NAALADL2: variants seen among roughly 807,000 people sequenced by gnomAD.
NAALADL2 encodes the protein N-acetylated alpha-linked acidic dipeptidase like 2.
NAALADL2 carries 76 observed loss-of-function variants against 87.2 expected under a neutral mutation model. The ratio of observed to expected loss-of-function variants is 0.87; its 90% CI spans 0.72 to 1.05. NAALADL2 has a LOEUF of 1.05. Among genes scored for constraint, NAALADL2 ranks in the 50% least tolerant of loss-of-function variants. The probability of loss-of-function intolerance (pLI) is 0.00; values close to 1 mark genes in which losing one functional copy is unlikely to be tolerated. For synonymous variants in NAALADL2, 354 were observed against 331.0 expected, an observed-to-expected ratio of 1.07 and a Z score of -0.75; for missense variants, 1,089 against 945.8, an observed-to-expected ratio of 1.15 and a Z score of -1.99.
At chr3:174,862,861 G>C (rs965127780) in intron 1 of NAALADL2, among the ~76,000 whole-genome samples, 1 of 152,002 alleles carries the variant, frequency 6.6e-6, no homozygotes, top group African/African-American at 2.4e-5. Context: ...TTCTACTTCA[G>C]TTCTTCTTAG....
intron 2 of NAALADL2, among the ~76,000 whole-genome samples, chr3:174,717,578 A>C (rs894893471): frequency 6.6e-6 from 1 of 152,156 alleles, no homozygotes; most frequent in Non-Finnish European, 1.5e-5. Context: ...AAGGTGCCTA[A>C]GATTTTTTTC....
intron 12 of NAALADL2, among the ~76,000 whole-genome samples, chr3:175,746,323 T>C (rs1205536612): frequency 5.9e-5 from 9 of 151,700 alleles, no homozygotes; most frequent in African/African-American, 1.9e-4. Flanking sequence ...TTGTTTTTTT[T>C]TTTTTTTAAT....
At chr3:174,874,256 C>A (rs1001976334) in intron 1 of NAALADL2, among the ~76,000 whole-genome samples, 4 of 152,180 alleles carry the variant, frequency 2.6e-5, no homozygotes, top group African/African-American at 9.7e-5. Flanking sequence ...TTTCAGTGAA[C>A]TGCTTTTGTG....
At chr3:175,728,454 G>A (rs1743228897) in intron 11 of NAALADL2, among the ~76,000 whole-genome samples, 1 of 152,092 alleles carries the variant, frequency 6.6e-6, no homozygotes, top group Non-Finnish European at 1.5e-5. Context: ...CTCCTCTATG[G>A]ATACTGCAGC....
At chr3:174,530,187 A>C (rs779747385) in intron 1 of NAALADL2, among the ~76,000 whole-genome samples, 1 of 152,156 alleles carries the variant, frequency 6.6e-6, no homozygotes, top group Non-Finnish European at 1.5e-5. Flanking sequence ...ACTCTAAATT[A>C]TCTCTCTCAA....
chr3:175,288,003 C>A (rs551437013), intron 4 of NAALADL2, among the ~76,000 whole-genome samples: 1 of 152,228 alleles, frequency 6.6e-6, no homozygotes, highest in East Asian at 1.9e-4. Flanking sequence ...TTTATATGAT[C>A]ATATAACATC....
intron 4 of NAALADL2, among the ~76,000 whole-genome samples, chr3:175,305,379 A>C (rs916463318): frequency 6.6e-6 from 1 of 152,120 alleles, no homozygotes; most frequent in Admixed American, 6.6e-5. Flanking sequence ...TTTGACTTTC[A>C]GAATTTGTCC....
intron 5 of NAALADL2, among the ~76,000 whole-genome samples, chr3:175,351,656 G>A (rs752676774): frequency 6.6e-6 from 1 of 152,070 alleles, no homozygotes; most frequent in Non-Finnish European, 1.5e-5. Flanking sequence ...GTGAATTTGC[G>A]TACGTGTGGC....
intron 1 of NAALADL2, among the ~76,000 whole-genome samples, chr3:174,965,387 G>A (rs748547724): frequency 2.0e-5 from 3 of 152,018 alleles, no homozygotes; most frequent in Middle Eastern, 3.4e-3. Context: ...TATTCTATTC[G>A]TTAACATTAT....
intron 1 of NAALADL2, among the ~76,000 whole-genome samples, chr3:175,008,725 A>C (rs1749382146): frequency 6.6e-6 from 1 of 152,104 alleles, no homozygotes; most frequent in African/African-American, 2.4e-5. Flanking sequence ...CTACAACGTT[A>C]TAGGGTAAGG....
At chr3:175,411,154 A>G (rs991501002) in intron 5 of NAALADL2, among the ~76,000 whole-genome samples, 7 of 152,258 alleles carry the variant, frequency 4.6e-5, no homozygotes, top group African/African-American at 1.4e-4. Context: ...GAATCAACAG[A>G]TAAGTATCAG....
chr3:174,582,892 A>AT (rs34100658), intron 2 of NAALADL2, among the ~76,000 whole-genome samples: 46,972 of 151,404 alleles, frequency 0.31, 9,132 homozygotes, highest in East Asian at 0.76. Flanking sequence ...CCCAGACTTC[A>AT]TTTTTTTTTG....
intron 1 of NAALADL2, among the ~76,000 whole-genome samples, chr3:175,001,482 T>C (rs1032993213): frequency 6.6e-6 from 1 of 152,210 alleles, no homozygotes; most frequent in Non-Finnish European, 1.5e-5. Flanking sequence ...TGGGCATATT[T>C]TTCTTGGTTT....
At chr3:174,925,527 C>T (rs9681282) in intron 1 of NAALADL2, among the ~76,000 whole-genome samples, 59,001 of 151,908 alleles carry the variant, frequency 0.39, 12,543 homozygotes, top group African/African-American at 0.57. Flanking sequence ...TTTGTTCTTT[C>T]GGCTTAGAAT....
intron 1 of NAALADL2, among the ~76,000 whole-genome samples, chr3:174,470,579 A>G (rs749890496): frequency 5.3e-5 from 8 of 152,132 alleles, no homozygotes; most frequent in Non-Finnish European, 8.8e-5. Flanking sequence ...GGTATTTCCT[A>G]GGTCTCCTTC....
At chr3:174,802,202 G>A (rs1337635675) in intron 3 of NAALADL2, among the ~76,000 whole-genome samples, 1 of 151,826 alleles carries the variant, frequency 6.6e-6, no homozygotes, top group Non-Finnish European at 1.5e-5. Context: ...CCCATGCCAA[G>A]TGTCAAGGTT....
chr3:174,451,692 A>G (rs1425101386), intron 1 of NAALADL2, among the ~76,000 whole-genome samples: 4 of 152,148 alleles, frequency 2.6e-5, no homozygotes, highest in Non-Finnish European at 5.9e-5. Flanking sequence ...TTCGGTTTAC[A>G]TATTTTTTGG....
chr3:175,691,873 G>A (rs1315876501), intron 11 of NAALADL2, among the ~76,000 whole-genome samples: 2 of 152,078 alleles, frequency 1.3e-5, no homozygotes, highest in Non-Finnish European at 2.9e-5. Context: ...CTCTGAAACA[G>A]TTTATCAATA....
At chr3:175,273,443 G>A (rs1472645316) in intron 4 of NAALADL2, among the ~76,000 whole-genome samples, 3 of 151,940 alleles carry the variant, frequency 2.0e-5, no homozygotes, top group African/African-American at 7.2e-5. Context: ...CCAATACCAA[G>A]GATTTTTCAA....
Sources: allele counts gnomAD v4.1 joint callset (sites outside exome capture counted in the v4.1 genomes callset), GRCh38; gene constraint gnomAD v4.1.1; transcripts MANE v1.5; gene names NCBI Gene and HGNC (gene_info 2026-07-23, HGNC 2026-07-21).